NUTF2: variants seen among roughly 807,000 people sequenced by gnomAD.
NUTF2 encodes placental protein 15.
NUTF2 carries 3 observed loss-of-function variants against 18.5 expected under a neutral mutation model. The observed-to-expected ratio is 0.16, with a 90% confidence interval of 0.07 to 0.42. NUTF2 has a LOEUF of 0.42. Among genes scored for constraint, NUTF2 ranks in the 10% least tolerant of loss-of-function variants. The pLI is 0.99. For missense variants in NUTF2, 44 were observed against 160.7 expected (o/e 0.27, Z 3.93); for synonymous variants, 51 against 57.9 (o/e 0.88, Z 0.54).
At chr16:67,867,922 G>C (rs766685473) in intron 2 of NUTF2, among the ~76,000 whole-genome samples, 2 of 152,122 alleles carry the variant, frequency 1.3e-5, no homozygotes, top group Admixed American at 1.3e-4. Flanking sequence ...TCCTGACCTC[G>C]TGATCTTCCC....
chr16:67,855,338 G>C (rs2057888034), intron 1 of NUTF2, among the ~76,000 whole-genome samples: 1 of 152,182 alleles, frequency 6.6e-6, no homozygotes, highest in African/African-American at 2.4e-5. Flanking sequence ...AGAGGGACAC[G>C]AGGCCCAGGG....
At chr16:67,866,075 C>A (rs1298244011) in intron 2 of NUTF2, among the ~76,000 whole-genome samples, 1 of 152,068 alleles carries the variant, frequency 6.6e-6, no homozygotes, top group Admixed American at 6.6e-5. Context: ...CTTGACTCTG[C>A]CTGAGAGTCA....
intron 4 of NUTF2, 83 bp from the exon 5 acceptor site, chr16:67,870,717 A>AT (rs1000306697): frequency 1.1e-5 from 12 of 1,074,394 alleles, no homozygotes; most frequent in East Asian, 2.4e-5. Flanking sequence ...TAAAGTCAAC[A>AT]TTTTTTTGCC....
intron 1 of NUTF2, among the ~76,000 whole-genome samples, chr16:67,849,150 G>A (rs906046791): frequency 6.6e-6 from 1 of 152,188 alleles, no homozygotes; most frequent in African/African-American, 2.4e-5. Flanking sequence ...GGCCAACTTT[G>A]CCAGTGGAGC....
In NUTF2 at chr16:67,855,140, T is replaced by C. The variant is rs1266373796; in HGVS notation, c.-30+8155T>C. ...GTGATTCTCTCTTCCTTTGATCATA[T>C]ATGGCAGGAATTCTTGAGTCCCTCC... On this transcript the variant is annotated intron_variant, in intron 1 of 4. Transcript: ENST00000219169. 3.9e-5 allele frequency among the ~76,000 whole-genome samples: 6 copies of C among 152,228 alleles called. No individual in the cohort carries two copies. The East Asian group carries it at 9.6e-4, about 24-fold the overall frequency.
At chr16:67,854,099 C>T (rs951745925) in intron 1 of NUTF2, among the ~76,000 whole-genome samples, 4 of 152,216 alleles carry the variant, frequency 2.6e-5, no homozygotes, top group South Asian at 2.1e-4. Flanking sequence ...TACAGGCACG[C>T]GCCACCACGC....
chr16:67,855,013 T>G (rs1195594079), intron 1 of NUTF2, among the ~76,000 whole-genome samples: 1 of 146,952 alleles, frequency 6.8e-6, no homozygotes, highest in Non-Finnish European at 1.5e-5. Flanking sequence ...TGCTGGTTTG[T>G]TTTTTTTTTT....
chr16:67,868,203 C>T, intron 2 of NUTF2, 137 bp from the exon 3 acceptor site: 1 of 691,960 alleles, frequency 1.4e-6, no homozygotes, highest in Non-Finnish European at 2.5e-6. Flanking sequence ...GGGCTATACT[C>T]AGTCTCCTTC....
At chr16:67,870,025 G>A (rs2058001108) in intron 4 of NUTF2, 1 of 152,272 alleles carries the variant, frequency 6.6e-6, no homozygotes, top group Non-Finnish European at 1.5e-5. Context: ...TTTCCTGTCA[G>A]TTTCTCCTGC....
intron 1 of NUTF2, among the ~76,000 whole-genome samples, chr16:67,854,343 A>T (rs1280544590): frequency 1.3e-5 from 2 of 152,162 alleles, no homozygotes; most frequent in Non-Finnish European, 2.9e-5. Flanking sequence ...TAAGTGCCCA[A>T]TAGTTGTTCC....
chr16:67,867,264 A>G (rs2057979630), intron 2 of NUTF2, among the ~76,000 whole-genome samples: 1 of 152,168 alleles, frequency 6.6e-6, no homozygotes, highest in Admixed American at 6.6e-5. Context: ...GAGCCACTGC[A>G]CCTGGCCTCA....
chr16:67,859,334 C>CA (rs1366348649), intron 1 of NUTF2, among the ~76,000 whole-genome samples: 1 of 147,786 alleles, frequency 6.8e-6, no homozygotes, highest in Non-Finnish European at 1.5e-5. Flanking sequence ...TGCATGCCAC[C>CA]ACACCCAGCT....
At chr16:67,858,342 AT>A in intron 1 of NUTF2, among the ~76,000 whole-genome samples, 1 of 151,752 alleles carries the variant, frequency 6.6e-6, no homozygotes, top group Non-Finnish European at 1.5e-5. Context: ...TAGTTTTTGT[AT>A]TTTTAGTAGA....
At position 67,848,152 on chromosome 16, in the gene NUTF2, C is replaced by T. The variant is rs902001928; in HGVS notation, c.-30+1167C>T. On this transcript the variant is annotated intron_variant, in intron 1 of 4. Transcript: ENST00000219169. ...GTTATCTTTGACCAAAAAATACTATCCTGATATCCTTTGTAAAGGCGCTTC... is the reference window on the plus strand; with the variant it reads ...GTTATCTTTGACCAAAAAATACTATTCTGATATCCTTTGTAAAGGCGCTTC... 1.7e-4 allele frequency among the ~76,000 whole-genome samples: 26 copies of T among 152,302 alleles called. 1 individual carries two copies. Among genetic ancestry groups the T allele is most frequent in the Admixed American group, 1.3e-3 (20 of 15,284 alleles).
chr16:67,851,672 G>A (rs538280009), intron 1 of NUTF2, among the ~76,000 whole-genome samples: 7 of 152,014 alleles, frequency 4.6e-5, no homozygotes, highest in Admixed American at 2.0e-4. Context: ...CCCGCCCCAG[G>A]ACAGGCCCCG....
At chr16:67,859,795 C>CTTTT (rs34914554) in intron 1 of NUTF2, among the ~76,000 whole-genome samples, 4 of 45,606 alleles carry the variant, frequency 8.8e-5, no homozygotes, top group African/African-American at 2.1e-4. Flanking sequence ...TGCGCCAGGC[C>CTTTT]TTTTTTTTTT....
chr16:67,870,826 C>T lies in NUTF2; in HGVS notation c.297C>T (p.Phe99=). The T allele has an allele frequency of 6.2e-7, 1 of 1,613,806 alleles. No homozygotes were observed. The highest frequency in any genetic ancestry group is 1.1e-5 in the South Asian group (1 of 91,072). The change falls in exon 5 of 5, where the codon TTC becomes TTT. Residue 99 remains phenylalanine, a synonymous_variant. Coordinates refer to ENST00000219169, the MANE Select transcript of NUTF2 (RefSeq NM_005796.3). ...CGGATGAAGACCCCATCATGGGGTTCCACCAGATGTTCCTATTAAAGAACA... is the reference window on the plus strand; with the variant it reads ...CGGATGAAGACCCCATCATGGGGTTTCACCAGATGTTCCTATTAAAGAACA... ...LKADEDPIMG[F]HQMFLLKNIN... is the part of the protein sequence containing the mutation.
At chr16:67,860,082 C>G (rs1409226406) in intron 1 of NUTF2, among the ~76,000 whole-genome samples, 3 of 151,678 alleles carry the variant, frequency 2.0e-5, no homozygotes, top group African/African-American at 7.3e-5. Context: ...TGGGTTCACG[C>G]CATTCTGCTG....
intron 1 of NUTF2, among the ~76,000 whole-genome samples, chr16:67,848,633 T>C (rs181016875): frequency 6.6e-6 from 1 of 151,606 alleles, no homozygotes; most frequent in African/African-American, 2.4e-5. Flanking sequence ...TCCCAGCTAC[T>C]TGGGAGGCTG....
Sources: gnomAD v4.1 joint callset for allele counts (sites outside exome capture counted in the v4.1 genomes callset) on GRCh38, gnomAD v4.1.1 for gene constraint, MANE v1.5 for transcripts, NCBI Gene and HGNC (gene_info 2026-07-23, HGNC 2026-07-21) for gene names.